Variants in PTCH1 observed in about 807,000 individuals in gnomAD.
PTCH1 encodes protein patched homolog 1.
PTCH1 carries 14 observed loss-of-function variants against 144.6 expected under a neutral mutation model. The observed-to-expected ratio is 0.10, with a 90% CI of 0.06 to 0.15. The LOEUF is 0.15. PTCH1 is among the 10% of genes least tolerant of loss of function. PTCH1 has a pLI of 1.00. For missense variants in PTCH1, 1,623 were observed against 1,948.3 expected (o/e 0.83, Z 3.14); for synonymous variants, 833 against 793.6 (o/e 1.05, Z -0.83).
At position 95,469,945 on chromosome 9, in the gene PTCH1, A is replaced by C. The variant is rs1416846970; in HGVS notation, c.1729-14T>G. The C allele has an allele frequency of 6.3e-7, 1 of 1,596,992 alleles. No individual in the cohort carries two copies. The highest frequency in any genetic ancestry group is 1.7e-5 in the Admixed American group (1 of 59,988). ...TACTACCGCTGCCTGGGAGCAGAAA[A>C]AAAATTCAGAGGTCACCAACATGCC... On this transcript the variant is annotated splice_polypyrimidine_tract_variant and intron_variant, in intron 12 of 23. Coordinates refer to ENST00000331920, the MANE Select transcript of PTCH1 (RefSeq NM_000264.5).
At chr9:95,511,140 G>A (rs1391417080), upstream of PTCH1, among the ~76,000 whole-genome samples, 1 of 149,770 alleles carries the variant, frequency 6.7e-6, no homozygotes, top group East Asian at 1.9e-4. Flanking sequence ...TGGCTGCCCG[G>A]GCGCGCTGGG....
At position 95,476,710 on chromosome 9, in the gene PTCH1, G is replaced by A. The variant is rs2118276698; in HGVS notation, c.1602+49C>T. On this transcript the variant is annotated intron_variant, in intron 11 of 23. Transcript: ENST00000331920. The surrounding 1 kb of genome is among the most constrained non-coding windows in gnomAD (Gnocchi z 4.6). The stretch of plus-strand genomic sequence containing the variant: ...ATTAAAGGACAAATACTTAGGAACA[G>A]AGGAAGCTGTGATGTCCCCAAAGCT... 1 of 1,524,526 alleles carries A rather than the reference G, an allele frequency of 6.6e-7. No individual in the cohort carries two copies. The highest frequency in any genetic ancestry group is 1.2e-5 in the South Asian group (1 of 86,348). The allele number at this position is 1,524,526 out of a possible 1,614,324, so 94.4% of individuals were successfully genotyped here. A position where few individuals can be genotyped will look rare whatever the true frequency, so the allele number is the denominator to read the frequency against.
chr9:95,486,659 G>C (rs530105594), intron 2 of PTCH1, among the ~76,000 whole-genome samples: 1 of 152,262 alleles, frequency 6.6e-6, no homozygotes, highest in African/African-American at 2.4e-5. Context: ...TGGCCAGCAC[G>C]GGGTATGCCC....
chr9:95,449,608 T>A lies in PTCH1; in HGVS notation c.3549+233A>T, dbSNP rs1838275626. The A allele has an allele frequency of 6.2e-6, 4 of 642,626 alleles. No individual in the cohort carries two copies. The highest frequency in any genetic ancestry group is 8.1e-6 in the Non-Finnish European group (3 of 370,038). The allele number at this position is 642,626 out of a possible 1,614,324, so 39.8% of individuals were successfully genotyped here. A position where few individuals can be genotyped will look rare whatever the true frequency, so the allele number is the denominator to read the frequency against. ...AAGGGGAAAGTCTTCATTTACTGTA[T>A]AAAGATCTGTAAGACCCAGGCTGCC... On this transcript the variant is annotated intron_variant, in intron 21 of 23. Transcript: ENST00000331920. This position sits in a 1 kb window ranked among gnomAD's most constrained non-coding sequence, Gnocchi z 5.3.
intron 15 of PTCH1, among the ~76,000 whole-genome samples, chr9:95,462,316 C>T (rs1392293274): frequency 1.3e-5 from 2 of 152,178 alleles, no homozygotes; most frequent in African/African-American, 4.8e-5. Flanking sequence ...AAGAGTGCGA[C>T]GGAAAGACAC....
At chr9:95,459,878 T>G (rs1354617361) in intron 16 of PTCH1, 95 bp from the exon 17 acceptor site, 9 of 1,355,320 alleles carry the variant, frequency 6.6e-6, no homozygotes, top group Non-Finnish European at 9.4e-6. Context: ...TCGCACAGCA[T>G]TACAACAAAG....
chr9:95,482,115 C>T lies in PTCH1; in HGVS notation c.654+19G>A, dbSNP rs1841586818. On this transcript the variant is annotated intron_variant, in intron 4 of 23. Transcript: ENST00000331920. ...TGGGGTGTTCCTGAGAAATTTTTGC[C>T]AACAAGAAGAAAATATACCTGATCC... 1 of 1,613,692 alleles carries T rather than the reference C, an allele frequency of 6.2e-7. No individual in the cohort carries two copies.
At chr9:95,471,113 AAAT>A (rs899550169) in intron 12 of PTCH1, among the ~76,000 whole-genome samples, 22 of 152,138 alleles carry the variant, frequency 1.4e-4, no homozygotes, top group African/African-American at 5.3e-4. Context: ...GAAAGAAAGA[AAAT>A]AAAAAACGAG....
upstream of PTCH1, among the ~76,000 whole-genome samples, chr9:95,510,503 AT>A (rs1360738142): frequency 1.3e-5 from 2 of 152,006 alleles, no homozygotes; most frequent in African/African-American, 4.8e-5. Context: ...TAGGCTTTTT[AT>A]TTAAAAAAAT....
rs767601899 is a variant in PTCH1 at position 95,480,434 on chromosome 9, C to G, written c.901G>C (p.Asp301His). Residue 301 changes from aspartate to histidine, a missense_variant, in exon 6 of 24, where the codon GAT becomes CAT. This residue lies in a region of PTCH1 where 230 missense variants were observed against 271.0 expected (regional missense o/e 0.85). Transcript: ENST00000331920. Reference sequence around the variant, plus strand: ...GGGGCTGTGGCGGGGCAGTCTGGATCGGCCGGATTGAGGCAGGGGCGGTCC... The same window carrying G: ...GGGGCTGTGGCGGGGCAGTCTGGATGGGCCGGATTGAGGCAGGGGCGGTCC... ...YMDRPCLNPA[D>H]PDCPATAPNK... 1.9e-6 allele frequency: 3 copies of G among 1,611,076 alleles called. No homozygotes were observed. Among genetic ancestry groups the G allele is most frequent in the East Asian group, 4.5e-5 (2 of 44,838 alleles).
rs371758206 is a variant in PTCH1, at chr9:95,470,374, C to A, written c.1729-443G>T. Among the ~76,000 whole-genome samples the A allele has an allele frequency of 4.6e-5, 7 of 152,216 alleles. No individual in the cohort carries two copies. In the East Asian group the frequency reaches 1.4e-3, roughly 29 times the overall value. ...GTGGATCGAGTATATCAAAATGTCC[C>A]CCTTTAAAACGTGAAATACAATTTC... On this transcript the variant is annotated intron_variant, in intron 12 of 23. Coordinates refer to ENST00000331920, the MANE Select transcript of PTCH1 (RefSeq NM_000264.5).
chr9:95,516,874 G>C (rs1844392087), exon 1 of PTCH1: 2 of 1,473,178 alleles, frequency 1.4e-6, no homozygotes, highest in Non-Finnish European at 1.8e-6. Context: ...TCAGGGTCAC[G>C]TGACGGATCC....
At chr9:95,502,710 C>A (rs1587681196) in intron 2 of PTCH1, among the ~76,000 whole-genome samples, 1 of 152,294 alleles carries the variant, frequency 6.6e-6, no homozygotes, top group East Asian at 1.9e-4. Flanking sequence ...CCAATTCCTA[C>A]ACACGCACAC....
chr9:95,443,804 T>C lies in PTCH1; in HGVS notation c.*2589A>G, dbSNP rs1293852606. ...ATATGGCATACTTTTATCTTTGTAA[T>C]TGAAATGACACAAACTCATTTCCAC... On this transcript the variant is annotated 3_prime_UTR_variant, in exon 24 of 24. Transcript: ENST00000331920. 1 of 152,654 alleles carries C rather than the reference T, an allele frequency of 6.6e-6. No homozygotes were observed. The highest frequency in any genetic ancestry group is 1.5e-5 in the Non-Finnish European group (1 of 68,040). 9.5% of individuals were successfully genotyped at this position (152,654 alleles called of 1,614,324 possible).
At chr9:95,490,558 AAAG>A (rs1842326726) in intron 2 of PTCH1, among the ~76,000 whole-genome samples, 1 of 129,524 alleles carries the variant, frequency 7.7e-6, no homozygotes, top group African/African-American at 3.3e-5. Context: ...CACACACACA[AAAG>A]AAAGATAGAT....
chr9:95,493,612 C>T (rs551322281), intron 2 of PTCH1, among the ~76,000 whole-genome samples: 88 of 152,170 alleles, frequency 5.8e-4, no homozygotes, highest in Non-Finnish European at 1.0e-3. Flanking sequence ...TATATGCAAG[C>T]GTTGCATTTG....
At chr9:95,509,580 G>A (rs561867150), upstream of PTCH1, among the ~76,000 whole-genome samples, 1 of 152,304 alleles carries the variant, frequency 6.6e-6, no homozygotes, top group South Asian at 2.1e-4. Context: ...TCTTCTTTTT[G>A]TGGGATGCCT....
At chr9:95,482,288 G>C (rs943365732) in intron 3 of PTCH1, 85 bp from the exon 4 acceptor site, 1 of 1,307,202 alleles carries the variant, frequency 7.6e-7, no homozygotes, top group Non-Finnish European at 1.1e-6. Context: ...CATATAAAAA[G>C]AACTGCAATT....
At position 95,443,533 on chromosome 9, in the gene PTCH1, C is replaced by G. The variant is rs979219248; in HGVS notation, c.*2860G>C. ...GTTTGAAATGAGAAGCATGCTAGGTCGCCAATGGTAACTAATAAACACTTC... is the reference window on the plus strand; with the variant it reads ...GTTTGAAATGAGAAGCATGCTAGGTGGCCAATGGTAACTAATAAACACTTC... On this transcript the variant is annotated 3_prime_UTR_variant, in exon 24 of 24. Transcript: ENST00000331920. 1 of 152,596 alleles carries G rather than the reference C, an allele frequency of 6.6e-6. No homozygotes were observed. The highest frequency in any genetic ancestry group is 2.4e-5 in the African/African-American group (1 of 41,452). The allele number at this position is 152,596 out of a possible 1,614,324, so 9.5% of individuals were successfully genotyped here.
Sources: allele counts gnomAD v4.1 joint callset (sites outside exome capture counted in the v4.1 genomes callset), GRCh38; gene constraint gnomAD v4.1.1; regional missense constraint gnomAD v4.1.1; non-coding constraint Gnocchi (gnomAD v3.1); transcripts MANE v1.5; gene names NCBI Gene and HGNC (gene_info 2026-07-23, HGNC 2026-07-21).